Variants in EFCAB6 observed in about 807,000 individuals in gnomAD.
EFCAB6 encodes EF-hand calcium-binding domain-containing protein 6.
Under a neutral mutation model 169.8 loss-of-function variants are expected in EFCAB6, and 156 were observed. That is an observed-to-expected ratio of 0.92 (90% CI 0.81 to 1.05). EFCAB6 has a LOEUF of 1.05. Among genes scored for constraint, EFCAB6 ranks in the 50% least tolerant of loss-of-function variants. EFCAB6 has a pLI of 0.00. For synonymous variants in EFCAB6, 698 were observed against 676.4 expected (o/e 1.03, Z -0.50); for missense variants, 1,800 against 1,829.1 (o/e 0.98, Z 0.29).
chr22:43,636,205 G>A (rs147916007), intron 17 of EFCAB6, among the ~76,000 whole-genome samples: 1 of 152,306 alleles, frequency 6.6e-6, no homozygotes, highest in Non-Finnish European at 1.5e-5. Context: ...AAGAAAGTGT[G>A]TTGAGGGGTG....
intron 10 of EFCAB6, among the ~76,000 whole-genome samples, chr22:43,710,331 G>A (rs549636343): frequency 1.8e-4 from 28 of 152,300 alleles, no homozygotes; most frequent in South Asian, 4.1e-4. Context: ...TGGAGCCAAC[G>A]TGAAAATGCT....
intron 27 of EFCAB6, among the ~76,000 whole-genome samples, chr22:43,543,146 C>G (rs1047971874): frequency 6.6e-6 from 1 of 152,212 alleles, no homozygotes; most frequent in Non-Finnish European, 1.5e-5. Context: ...CGGAATTACA[C>G]AGCCCCAGGC....
At chr22:43,763,171 T>C (rs2061221963) in intron 5 of EFCAB6, among the ~76,000 whole-genome samples, 1 of 152,096 alleles carries the variant, frequency 6.6e-6, no homozygotes, top group Non-Finnish European at 1.5e-5. Flanking sequence ...CCCGAGTCGC[T>C]GGGATTACAG....
chr22:43,784,552 TATATAC>T (rs1569487193), intron 2 of EFCAB6, among the ~76,000 whole-genome samples: 2 of 100,116 alleles, frequency 2.0e-5, no homozygotes, highest in Admixed American at 1.1e-4. Context: ...TGTATATGTA[TATATAC>T]ACATATATAT....
At chr22:43,735,807 T>C (rs753478255) in intron 7 of EFCAB6, 50 bp downstream of exon 7, 3 of 1,597,200 alleles carry the variant, frequency 1.9e-6, no homozygotes. Context: ...ATTCTGAAAT[T>C]GGTTAAAAGT....
intron 27 of EFCAB6, among the ~76,000 whole-genome samples, chr22:43,546,109 A>C (rs1017663901): frequency 6.6e-6 from 1 of 152,264 alleles, no homozygotes; most frequent in African/African-American, 2.4e-5. Flanking sequence ...AATGTATAAA[A>C]TAGCTAAAGG....
intron 8 of EFCAB6, among the ~76,000 whole-genome samples, chr22:43,717,314 C>G (rs1182619375): frequency 2.7e-5 from 4 of 150,294 alleles, no homozygotes; most frequent in African/African-American, 4.9e-5. Flanking sequence ...AACACTAAAG[C>G]CAGAATTTAT....
At chr22:43,760,506 T>G (rs1158477488) in intron 5 of EFCAB6, among the ~76,000 whole-genome samples, 2 of 152,250 alleles carry the variant, frequency 1.3e-5, no homozygotes, top group East Asian at 3.9e-4. Context: ...TCTCAGCCAT[T>G]ATCTTTCCAA....
chr22:43,726,276 C>CAAAAAAAAAAAAA (rs3994547), intron 8 of EFCAB6, among the ~76,000 whole-genome samples: 3 of 59,356 alleles, frequency 5.1e-5, no homozygotes, highest in Admixed American at 1.9e-4. Context: ...AAAAATTCAC[C>CAAAAAAAAAAAAA]AAAAAAAAAA....
At chr22:43,654,326 A>G (rs1276788992) in intron 17 of EFCAB6, among the ~76,000 whole-genome samples, 1 of 152,228 alleles carries the variant, frequency 6.6e-6, no homozygotes, top group Non-Finnish European at 1.5e-5. Context: ...TTTCTTCCAA[A>G]GACGAAAATC....
rs376311386 is a variant in EFCAB6 at position 43,540,207 on chromosome 22, C to T, written c.3799G>A (p.Val1267Ile). The change falls in exon 28 of 32, where the codon GTC becomes ATC. Residue 1267 changes from valine (V) to isoleucine (I), a missense_variant. Coordinates refer to ENST00000262726, the MANE Select transcript of EFCAB6 (RefSeq NM_022785.4). Reference sequence around the variant, plus strand: ...AGGGCAGATCTGGTGCCTTCCGAGACGTCAGGGACACTGCTCCCTCTCTGG... The same window carrying T: ...AGGGCAGATCTGGTGCCTTCCGAGATGTCAGGGACACTGCTCCCTCTCTGG... Reference protein sequence around the residue: ...VAQRGSSVPDVSEGTRSALSL... With the variant: ...VAQRGSSVPDISEGTRSALSL... 297 of 1,614,108 alleles carry T rather than the reference C, an allele frequency of 1.8e-4. No individual in the cohort carries two copies. Among genetic ancestry groups the T allele is most frequent in the South Asian group, 3.0e-4 (27 of 91,094 alleles).
At position 43,626,649 on chromosome 22, in the gene EFCAB6, C is replaced by G. The variant is rs2147837226; in HGVS notation, c.2263G>C (p.Ala755Pro). 1 of 1,614,190 alleles carries G rather than the reference C, an allele frequency of 6.2e-7. No individual in the cohort carries two copies. The highest frequency in any genetic ancestry group is 1.3e-5 in the African/African-American group (1 of 75,034). The change falls in exon 20 of 32, where the codon GCT (alanine) becomes CCT (proline). Residue 755 changes from alanine (A) to proline (P), a missense_variant. By Grantham distance (27) the Ala-to-Pro change is conservative. Coordinates refer to ENST00000262726, the MANE Select transcript of EFCAB6 (RefSeq NM_022785.4). ...DPYSAFFKTD[A>P]DRDGIINMHD... ...ATGTTGATTATGCCATCCCTGTCAG[C>G]ATCTGTTTTAAAGAAGGCAGAGTAG...
intron 2 of EFCAB6, among the ~76,000 whole-genome samples, chr22:43,806,707 C>A (rs1271125742): frequency 1.3e-5 from 2 of 152,182 alleles, no homozygotes; most frequent in African/African-American, 2.4e-5. Flanking sequence ...TTGGTTCATG[C>A]CTGTGCTAGA....
At chr22:43,729,718 T>C (rs891341365) in intron 8 of EFCAB6, among the ~76,000 whole-genome samples, 2 of 151,824 alleles carry the variant, frequency 1.3e-5, no homozygotes, top group African/African-American at 4.8e-5. Context: ...GGCAAGATGA[T>C]AAACCAACAA....
intron 4 of EFCAB6, among the ~76,000 whole-genome samples, chr22:43,769,982 G>A (rs1302645527): frequency 6.6e-6 from 1 of 151,974 alleles, no homozygotes; most frequent in Non-Finnish European, 1.5e-5. Context: ...AGCCTCCTGA[G>A]TAGCTGGGAT....
intron 2 of EFCAB6, among the ~76,000 whole-genome samples, chr22:43,784,576 T>TATATATGTGTATAC (rs1569487355): frequency 1.2e-5 from 1 of 84,112 alleles, no homozygotes; most frequent in African/African-American, 4.6e-5. Context: ...TATGTGTACA[T>TATATATGTGTATAC]ATACACATAT....
chr22:43,587,909 AAACAAATC>A (rs1332081596), intron 24 of EFCAB6, among the ~76,000 whole-genome samples: 1 of 152,254 alleles, frequency 6.6e-6, no homozygotes, highest in Non-Finnish European at 1.5e-5. Flanking sequence ...GCAAACAAAT[AAACAAATC>A]AACATACCAA....
intron 8 of EFCAB6, among the ~76,000 whole-genome samples, chr22:43,720,259 T>G (rs891064255): frequency 6.6e-6 from 1 of 151,776 alleles, no homozygotes; most frequent in African/African-American, 2.4e-5. Flanking sequence ...GGCTTACACA[T>G]GTAATCCCAG....
intron 24 of EFCAB6, among the ~76,000 whole-genome samples, chr22:43,586,167 G>A (rs905822252): frequency 6.6e-6 from 1 of 152,022 alleles, no homozygotes; most frequent in Non-Finnish European, 1.5e-5. Flanking sequence ...TGTGTTGGGT[G>A]ATTAAAAGCA....
Sources: gnomAD v4.1 joint callset for allele counts (sites outside exome capture counted in the v4.1 genomes callset) on GRCh38, gnomAD v4.1.1 for gene constraint, MANE v1.5 for transcripts, NCBI Gene and HGNC (gene_info 2026-07-23, HGNC 2026-07-21) for gene names.